The following TATDN3 variants were observed in gnomAD, a reference collection of about 807,000 sequenced individuals.
The protein encoded by TATDN3 is TatD DNase domain containing 3.
A neutral mutation model predicts 40.1 loss-of-function variants in TATDN3; 29 were observed. The observed-to-expected ratio is 0.72, with a 90% confidence interval of 0.54 to 0.99. TATDN3 has a LOEUF of 0.99. TATDN3 is among the 50% of genes least tolerant of loss of function. The pLI, the probability that TATDN3 is intolerant of heterozygous loss-of-function variation, is 0.00. For missense variants in TATDN3, 309 were observed against 321.9 expected (o/e 0.96, Z 0.31); for synonymous variants, 105 against 117.0 (o/e 0.90, Z 0.66).
At chr1:212,793,799 G>A (rs1257206588) in intron 1 of TATDN3, among the ~76,000 whole-genome samples, 1 of 152,186 alleles carries the variant, frequency 6.6e-6, no homozygotes, top group Non-Finnish European at 1.5e-5. Flanking sequence ...TGGTGGTGCT[G>A]GTTTACTGAG....
intron 5 of TATDN3, 122 bp downstream of exon 5, chr1:212,802,885 AG>A: frequency 1.6e-6 from 1 of 620,136 alleles, no homozygotes; most frequent in Non-Finnish European, 2.8e-6. Flanking sequence ...CACCCCACTT[AG>A]CCAAATAATA....
At chr1:212,795,961 A>C (rs1264088921) in intron 2 of TATDN3, among the ~76,000 whole-genome samples, 1 of 152,230 alleles carries the variant, frequency 6.6e-6, no homozygotes, top group Non-Finnish European at 1.5e-5. Context: ...TACCATGCTC[A>C]ACAGCCCTAT....
chr1:212,804,941 T>A lies in TATDN3; in HGVS notation c.487+290T>A, dbSNP rs559716858. Among the ~76,000 whole-genome samples the A allele has an allele frequency of 2.0e-5, 3 of 152,244 alleles. No individual in the cohort carries two copies. In the South Asian group the frequency reaches 6.2e-4, roughly 32 times the overall value. Reference sequence around the variant, plus strand: ...CATAAAAAACAAAACAAAACAAAATTAGCAGCTCCAGTTTCTTTTATTTAT... The same window carrying A: ...CATAAAAAACAAAACAAAACAAAATAAGCAGCTCCAGTTTCTTTTATTTAT... On this transcript the variant is annotated intron_variant, in intron 7 of 9. Coordinates refer to ENST00000366974, the MANE Select transcript of TATDN3 (RefSeq NM_001042552.3).
In TATDN3 at chr1:212,804,310, T is replaced by G. The variant is rs758618308; in HGVS notation, c.322-10T>G. 2.5e-6 allele frequency: 4 copies of G among 1,602,670 alleles called. No individual in the cohort carries two copies. The highest frequency in any genetic ancestry group is 1.7e-5 in the Admixed American group (1 of 59,500). Reference sequence around the variant, plus strand: ...CTAAATATGTAATATCTTTTATTTTTCTGCTCTAGGTTGGACTAGATTTCT... The same window carrying G: ...CTAAATATGTAATATCTTTTATTTTGCTGCTCTAGGTTGGACTAGATTTCT... On this transcript the variant is annotated splice_polypyrimidine_tract_variant and intron_variant, in intron 5 of 9. Coordinates refer to ENST00000366974, the MANE Select transcript of TATDN3 (RefSeq NM_001042552.3).
intron 7 of TATDN3, among the ~76,000 whole-genome samples, chr1:212,807,472 C>T (rs1395396199): frequency 1.3e-5 from 2 of 151,940 alleles, no homozygotes; most frequent in African/African-American, 2.4e-5. Context: ...AGGCTGGTTT[C>T]GAACTCCTGG....
At chr1:212,792,031 C>T (rs752592724) in intron 1 of TATDN3, 44 bp downstream of exon 1, 1 of 1,587,302 alleles carries the variant, frequency 6.3e-7, no homozygotes, top group Non-Finnish European at 8.6e-7. Context: ...GGGAGGCCCC[C>T]GTCCTTTCCC....
chr1:212,799,704 A>G (rs1441935579), intron 4 of TATDN3, among the ~76,000 whole-genome samples: 1 of 151,900 alleles, frequency 6.6e-6, no homozygotes, highest in South Asian at 2.1e-4. Flanking sequence ...CACCCGGCTA[A>G]TTTTTTGTAT....
Position 212,797,722 on chromosome 1 carries a change from G to A in TATDN3, c.258+526G>A, listed in dbSNP as rs77602739. ...GAAAAAGAAAGATACAAATTCAGAG[G>A]TGCCATATACTATTAGGGAACAGAT... On this transcript the variant is annotated intron_variant, in intron 4 of 9. Transcript: ENST00000366974. The A allele has an allele frequency of 5.0e-3, 761 of 153,314 alleles. 5 individuals are homozygous for A. The highest frequency in any genetic ancestry group is 7.9e-3 in the Non-Finnish European group (542 of 68,768). The allele number at this position is 153,314 out of a possible 1,614,324, so 9.5% of individuals were successfully genotyped here.
intron 4 of TATDN3, among the ~76,000 whole-genome samples, chr1:212,798,291 A>T (rs1661924971): frequency 6.6e-6 from 1 of 151,834 alleles, no homozygotes; most frequent in Non-Finnish European, 1.5e-5. Context: ...GCTCCAGTGC[A>T]CTCCAGCCTG....
chr1:212,806,773 T>C (rs1405110404), intron 7 of TATDN3, among the ~76,000 whole-genome samples: 68 of 117,282 alleles, frequency 5.8e-4, no homozygotes, highest in East Asian at 1.3e-3. Context: ...TATATATATA[T>C]ATATATATAT....
chr1:212,792,696 A>G (rs890924827), intron 1 of TATDN3, among the ~76,000 whole-genome samples: 12 of 151,172 alleles, frequency 7.9e-5, no homozygotes, highest in Admixed American at 6.6e-4. Flanking sequence ...ACAAAAATAC[A>G]TGGCCGAGTG....
At chr1:212,810,280 C>T (rs896869582) in intron 8 of TATDN3, among the ~76,000 whole-genome samples, 1 of 151,860 alleles carries the variant, frequency 6.6e-6, no homozygotes. Flanking sequence ...GAGGCCAAGG[C>T]GGGTGGATCA....
chr1:212,811,237 G>A (rs893086528), intron 8 of TATDN3, among the ~76,000 whole-genome samples: 1 of 151,838 alleles, frequency 6.6e-6, no homozygotes, highest in Non-Finnish European at 1.5e-5. Context: ...CCGGGTTCAA[G>A]TGATTCTGCC....
intron 7 of TATDN3, among the ~76,000 whole-genome samples, chr1:212,806,746 C>CT (rs1558083558): frequency 0.12 from 5,249 of 45,014 alleles, 1,015 homozygotes; most frequent in Non-Finnish European, 0.15. Flanking sequence ...CTCTCTCTCT[C>CT]CATATATATA....
At chr1:212,803,603 AGGAGTCATCTATAGTCT>A (rs1662292383) in intron 5 of TATDN3, among the ~76,000 whole-genome samples, 1 of 152,160 alleles carries the variant, frequency 6.6e-6, no homozygotes, top group South Asian at 2.1e-4. Flanking sequence ...TAGTCCCAGG[AGGAGTCATCTATAGTCT>A]GTGCCGTCCA....
chr1:212,802,506 GAT>G (rs901258790), intron 4 of TATDN3, among the ~76,000 whole-genome samples, 193 bp from the exon 5 acceptor site: 4 of 152,158 alleles, frequency 2.6e-5, no homozygotes, highest in African/African-American at 4.8e-5. Context: ...ATGGGTATGG[GAT>G]ATGTTTCTAC....
chr1:212,800,785 T>G (rs1662124687), intron 4 of TATDN3, among the ~76,000 whole-genome samples: 1 of 152,142 alleles, frequency 6.6e-6, no homozygotes. Flanking sequence ...TTCTGTGATC[T>G]GTGGCACATT....
intron 1 of TATDN3, among the ~76,000 whole-genome samples, chr1:212,793,872 G>A (rs1394822953): frequency 6.6e-6 from 1 of 152,080 alleles, no homozygotes; most frequent in East Asian, 1.9e-4. Flanking sequence ...AGGTTTGTGG[G>A]GAGAAAATAA....
At chr1:212,792,902 G>A (rs1193240204) in intron 1 of TATDN3, 1 of 152,222 alleles carries the variant, frequency 6.6e-6, no homozygotes, top group Non-Finnish European at 1.5e-5. Flanking sequence ...GAGGATTAAG[G>A]GGGGTTTTAT....
Sources: allele counts gnomAD v4.1 joint callset (sites outside exome capture counted in the v4.1 genomes callset), GRCh38; gene constraint gnomAD v4.1.1; transcripts MANE v1.5; gene names NCBI Gene and HGNC (gene_info 2026-07-23, HGNC 2026-07-21).